Variants in TMEM117 observed in about 807,000 individuals in gnomAD.
TMEM117 encodes transmembrane protein 117.
In TMEM117, 27 loss-of-function variants were observed where a neutral mutation model predicts 52.4. The ratio of observed to expected loss-of-function variants is 0.51; its 90% CI spans 0.38 to 0.71. The LOEUF (loss-of-function observed/expected upper bound fraction) is 0.71. Among genes scored for constraint, TMEM117 ranks in the 30% least tolerant of loss-of-function variants. The probability of loss-of-function intolerance (pLI) is 0.00; values close to 1 mark genes in which losing one functional copy is unlikely to be tolerated. For missense variants in TMEM117, 556 were observed against 630.5 expected (o/e 0.88, Z 1.26); for synonymous variants, 215 against 206.3 (o/e 1.04, Z -0.36).
chr12:43,997,082 A>G (rs1470479105), intron 3 of TMEM117, among the ~76,000 whole-genome samples: 1 of 152,220 alleles, frequency 6.6e-6, no homozygotes, highest in South Asian at 2.1e-4. Flanking sequence ...ATTTTACAAA[A>G]TGTTCTAATA....
intron 4 of TMEM117, among the ~76,000 whole-genome samples, chr12:44,170,104 C>G (rs1949024010): frequency 6.6e-6 from 1 of 151,992 alleles, no homozygotes; most frequent in Non-Finnish European, 1.5e-5. Flanking sequence ...CCATAGAATA[C>G]TATGCAGCCA....
chr12:43,805,765 G>A, the TMEM117 span: 1,275 of 1,339,872 alleles, frequency 9.5e-4, 21 homozygotes, highest in Admixed American at 0.019. Context: ...AAAGATTCTG[G>A]CATGGTTCTT....
chr12:44,314,961 A>G (rs913054096), intron 6 of TMEM117, among the ~76,000 whole-genome samples: 1 of 152,012 alleles, frequency 6.6e-6, no homozygotes, highest in Non-Finnish European at 1.5e-5. Flanking sequence ...CAATGTTTCA[A>G]TTTCTTCCTG....
chr12:43,995,812 A>G (rs942121864), intron 3 of TMEM117, among the ~76,000 whole-genome samples: 11 of 152,230 alleles, frequency 7.2e-5, no homozygotes, highest in African/African-American at 2.7e-4. Flanking sequence ...CAGTAATATG[A>G]TAAATTTCCA....
chr12:44,140,189 TG>T (rs1234517642), intron 3 of TMEM117, among the ~76,000 whole-genome samples: 1 of 152,184 alleles, frequency 6.6e-6, no homozygotes, highest in Non-Finnish European at 1.5e-5. Flanking sequence ...TATATTACTC[TG>T]GGTGAATACA....
rs562241107 is a variant in TMEM117 at position 44,264,186 on chromosome 12, T to C, written c.609-35394T>C. On this transcript the variant is annotated intron_variant, in intron 5 of 7. Transcript: ENST00000266534. ...TTTTTCTGACAAGTTTGTTTTTCTG[T>C]CTATTTGATCATTGTTTTTCATCTT... Among the ~76,000 whole-genome samples the C allele has an allele frequency of 4.2e-4, 64 of 152,266 alleles. 1 individual carries two copies. The South Asian group carries it at 0.013, about 30-fold the overall frequency.
intron 4 of TMEM117, among the ~76,000 whole-genome samples, chr12:44,203,339 A>C (rs1435039532): frequency 6.6e-6 from 1 of 151,744 alleles, no homozygotes; most frequent in Non-Finnish European, 1.5e-5. Flanking sequence ...TGTTGATTTA[A>C]ATCTCTCTTT....
At chr12:44,308,144 G>A (rs1348855929) in intron 6 of TMEM117, among the ~76,000 whole-genome samples, 1 of 152,188 alleles carries the variant, frequency 6.6e-6, no homozygotes. Flanking sequence ...CCAATTTAAA[G>A]TAAAATGCTT....
intron 1 of TMEM117, among the ~76,000 whole-genome samples, chr12:43,841,942 C>A (rs1258761423): frequency 6.6e-6 from 1 of 152,160 alleles, no homozygotes; most frequent in Non-Finnish European, 1.5e-5. Flanking sequence ...CAGAATTCTT[C>A]ACTGGCGAAA....
the TMEM117 span, chr12:43,798,686 A>T: frequency 8.0e-7 from 1 of 1,242,574 alleles, no homozygotes; most frequent in African/African-American, 1.5e-5. Flanking sequence ...AATATGATAG[A>T]TCCTTGCTAC....
chr12:44,388,353 T>C lies in TMEM117; in HGVS notation c.1226T>C (p.Phe409Ser), dbSNP rs1460743620. 2 of 1,613,582 alleles carry C rather than the reference T, an allele frequency of 1.2e-6. No individual in the cohort carries two copies. Among genetic ancestry groups the C allele is most frequent in the Non-Finnish European group, 1.7e-6 (2 of 1,179,664 alleles). ...CTGATAGCCTTTGTGTGGTTTGGAT[T>C]CTTTATTTGGTTCTTTGGACGATTT... Reference protein sequence around the residue: ...PSLIAFVWFGFFIWFFGRFLK... With the variant: ...PSLIAFVWFGSFIWFFGRFLK... The change falls in exon 8 of 8, where the codon TTC becomes TCC. Residue 409 changes from phenylalanine to serine, a missense_variant. Physicochemically the swap from Phe to Ser is radical, Grantham distance 155. Around this residue, in one of 3 missense-constraint regions of TMEM117, gnomAD observed 206 missense variants for 211.1 expected, o/e 0.98. Coordinates refer to ENST00000266534, the MANE Select transcript of TMEM117 (RefSeq NM_032256.3).
rs149927589 is a variant in TMEM117, at chr12:44,159,672, C to T, written c.510+16048C>T. Among the ~76,000 whole-genome samples, 112 of 152,174 alleles carry T rather than the reference C, an allele frequency of 7.4e-4. 2 individuals are homozygous for T. The highest frequency in any genetic ancestry group is 2.4e-3 in the African/African-American group (101 of 41,528). ...CAAACTGTGGGGCATATAATTTCTG[C>T]GTGCCTGTGAATTAGCACTGATACC... On this transcript the variant is annotated intron_variant, in intron 4 of 7. Coordinates refer to ENST00000266534, the MANE Select transcript of TMEM117 (RefSeq NM_032256.3).
At chr12:44,286,999 C>A (rs1225611399) in intron 5 of TMEM117, among the ~76,000 whole-genome samples, 1 of 152,138 alleles carries the variant, frequency 6.6e-6, no homozygotes, top group Admixed American at 6.5e-5. Context: ...TCTATGGAAG[C>A]AGTTTATTTG....
intron 3 of TMEM117, among the ~76,000 whole-genome samples, chr12:44,094,223 A>G (rs183576645): frequency 3.3e-5 from 5 of 152,152 alleles, no homozygotes; most frequent in Non-Finnish European, 5.9e-5. Flanking sequence ...ATTAGCTCCA[A>G]TGACAGAATA....
intron 2 of TMEM117, among the ~76,000 whole-genome samples, chr12:43,905,505 A>C (rs1211045687): frequency 4.6e-5 from 7 of 152,112 alleles, no homozygotes; most frequent in Admixed American, 4.6e-4. Flanking sequence ...CTTAGACTTT[A>C]TTTATTTTTA....
chr12:43,978,180 A>C (rs1334293857), intron 3 of TMEM117, among the ~76,000 whole-genome samples: 3 of 152,180 alleles, frequency 2.0e-5, no homozygotes, highest in Admixed American at 2.0e-4. Context: ...GTGAGGTCAT[A>C]ACTTGCAGGT....
At chr12:44,268,802 A>G (rs1281023097) in intron 5 of TMEM117, among the ~76,000 whole-genome samples, 2 of 152,074 alleles carry the variant, frequency 1.3e-5, no homozygotes, top group Non-Finnish European at 2.9e-5. Flanking sequence ...TCCTTTTCTA[A>G]TAAGTGTCAA....
the TMEM117 span, among the ~76,000 whole-genome samples, chr12:44,395,255 C>T: frequency 6.6e-6 from 1 of 152,134 alleles, no homozygotes; most frequent in African/African-American, 2.4e-5. Flanking sequence ...AACTCAGAGG[C>T]TCTGTCATTT....
rs146868110 is a variant in TMEM117 at position 43,900,130 on chromosome 12, A to G, written c.278-44080A>G. Among the ~76,000 whole-genome samples the G allele has an allele frequency of 4.2e-3, 633 of 152,288 alleles. 21 individuals are homozygous for G. The highest frequency in any genetic ancestry group is 0.036 in the Admixed American group (555 of 15,284). ...ATCCTCCAAACTACAGTAAAAATCT[A>G]CTGGTGGGATTAGACCGCTGGAGTT... is the stretch of plus-strand genomic sequence containing the variant. On this transcript the variant is annotated intron_variant, in intron 2 of 7. Coordinates refer to ENST00000266534, the MANE Select transcript of TMEM117 (RefSeq NM_032256.3).
Sources: allele counts gnomAD v4.1 joint callset (sites outside exome capture counted in the v4.1 genomes callset), GRCh38; gene constraint gnomAD v4.1.1; regional missense constraint gnomAD v4.1.1; transcripts MANE v1.5; gene names NCBI Gene and HGNC (gene_info 2026-07-23, HGNC 2026-07-21).